The following MAD1L1 variants were observed in gnomAD, a reference collection of about 807,000 sequenced individuals.
MAD1L1 encodes the protein mitotic arrest deficient 1 like 1.
MAD1L1 carries 95 observed loss-of-function variants against 96.9 expected under a neutral mutation model. That is an observed-to-expected ratio of 0.98 (90% confidence interval 0.83 to 1.16). MAD1L1 has a LOEUF of 1.16. Among genes scored for constraint, MAD1L1 ranks in the 50% most tolerant of loss-of-function variants. The probability of loss-of-function intolerance (pLI) is 0.00; values close to 1 mark genes in which losing one functional copy is unlikely to be tolerated. For missense variants in MAD1L1, 1,007 were observed against 954.4 expected (o/e 1.06, Z -0.73); for synonymous variants, 473 against 396.6 (o/e 1.19, Z -2.29).
At chr7:1,853,172 G>T (rs1000761247) in intron 18 of MAD1L1, among the ~76,000 whole-genome samples, 5 of 152,198 alleles carry the variant, frequency 3.3e-5, no homozygotes, top group African/African-American at 4.8e-5. Flanking sequence ...TGATGCGGAA[G>T]GGACTGCGGA....
At chr7:1,847,360 G>A in intron 18 of MAD1L1, 1 of 471,096 alleles carries the variant, frequency 2.1e-6, no homozygotes, top group Non-Finnish European at 4.4e-6. Context: ...GGTACCACGG[G>A]GCGGACCAGG....
chr7:2,207,113 T>C (rs1462113982), intron 10 of MAD1L1, among the ~76,000 whole-genome samples: 2 of 151,616 alleles, frequency 1.3e-5, no homozygotes, highest in Admixed American at 1.3e-4. Context: ...TAGAGATCAG[T>C]TCATCAATTT....
intron 10 of MAD1L1, chr7:2,200,334 C>G (rs949901863): frequency 6.6e-6 from 1 of 152,528 alleles, no homozygotes; most frequent in African/African-American, 2.4e-5. Flanking sequence ...ATGGCAACAG[C>G]CGGATCTTGT....
intron 17 of MAD1L1, among the ~76,000 whole-genome samples, chr7:1,914,619 G>A (rs967947892): frequency 6.6e-6 from 1 of 152,114 alleles, no homozygotes; most frequent in Non-Finnish European, 1.5e-5. Flanking sequence ...TTGAGTTTTT[G>A]GTTTGTTTTT....
intron 12 of MAD1L1, among the ~76,000 whole-genome samples, chr7:2,027,929 T>C (rs552732544): frequency 6.6e-6 from 1 of 152,308 alleles, no homozygotes; most frequent in Non-Finnish European, 1.5e-5. Context: ...ATCACTCAAT[T>C]ATGAACATAG....
intron 10 of MAD1L1, among the ~76,000 whole-genome samples, chr7:2,154,532 T>C (rs150578254): frequency 1.4e-4 from 22 of 152,312 alleles, no homozygotes; most frequent in African/African-American, 5.3e-4. Flanking sequence ...AAAGTGATGG[T>C]TACCCCAAAT....
At chr7:1,831,741 T>G (rs545487063) in intron 18 of MAD1L1, among the ~76,000 whole-genome samples, 1 of 152,292 alleles carries the variant, frequency 6.6e-6, no homozygotes, top group South Asian at 2.1e-4. Flanking sequence ...TTGGGGCCCT[T>G]AAGAATGATG....
intron 17 of MAD1L1, among the ~76,000 whole-genome samples, chr7:1,922,307 C>T (rs1044985515): frequency 2.6e-5 from 4 of 152,270 alleles, no homozygotes; most frequent in African/African-American, 4.8e-5. Context: ...TCCCACGCCT[C>T]GCCTCAGCAG....
intron 11 of MAD1L1, among the ~76,000 whole-genome samples, chr7:2,097,924 G>A (rs983642732): frequency 6.6e-6 from 1 of 152,246 alleles, no homozygotes; most frequent in Admixed American, 6.5e-5. Context: ...CCCTGCTGTA[G>A]GCTTCTGCAC....
chr7:1,993,353 G>A (rs562297907), intron 14 of MAD1L1, among the ~76,000 whole-genome samples: 8 of 152,334 alleles, frequency 5.3e-5, no homozygotes, highest in African/African-American at 1.4e-4. Context: ...ATGTCAGTCC[G>A]CAGACCAAGG....
At chr7:1,994,816 AG>A (rs1355169496) in intron 14 of MAD1L1, among the ~76,000 whole-genome samples, 1 of 152,196 alleles carries the variant, frequency 6.6e-6, no homozygotes, top group Non-Finnish European at 1.5e-5. Flanking sequence ...CAGAACCGTG[AG>A]CAACAAATGT....
intron 11 of MAD1L1, among the ~76,000 whole-genome samples, chr7:2,126,117 G>T (rs192956836): frequency 7.3e-4 from 111 of 152,318 alleles, no homozygotes; most frequent in African/African-American, 2.5e-3. Context: ...CCTGCCAGGC[G>T]GCCCTCCTGT....
At position 1,968,295 on chromosome 7, in the gene MAD1L1, G is replaced by A. The variant is rs183122067; in HGVS notation, c.1506-10576C>T. On this transcript the variant is annotated intron_variant, in intron 15 of 18. Transcript: ENST00000265854. The surrounding 1 kb of genome is among the most constrained non-coding windows in gnomAD (Gnocchi z 5.6). ...GTCCACATCAACGCCTCAGTCCAGC[G>A]GTCAGGTCCACTGTCAACGCCTCAG... is the stretch of plus-strand genomic sequence containing the variant. Among the ~76,000 whole-genome samples the A allele has an allele frequency of 8.9e-4, 133 of 150,174 alleles. No individual in the cohort carries two copies. Among genetic ancestry groups the A allele is most frequent in the African/African-American group, 3.1e-3 (126 of 40,598 alleles).
At chr7:2,192,014 G>A (rs1171756324) in intron 10 of MAD1L1, among the ~76,000 whole-genome samples, 1 of 151,532 alleles carries the variant, frequency 6.6e-6, no homozygotes, top group Non-Finnish European at 1.5e-5. Flanking sequence ...CTGGGTGACA[G>A]AGCGAGCCTC....
chr7:2,026,054 A>C (rs530605554), intron 12 of MAD1L1, among the ~76,000 whole-genome samples: 50 of 152,194 alleles, frequency 3.3e-4, no homozygotes, highest in Non-Finnish European at 6.0e-4. Context: ...CGCTGAATAT[A>C]AATACTTATA....
chr7:1,853,176 C>G (rs769513533), intron 18 of MAD1L1, among the ~76,000 whole-genome samples: 6 of 152,206 alleles, frequency 3.9e-5, no homozygotes, highest in Non-Finnish European at 7.3e-5. Context: ...GCGGAAGGGA[C>G]TGCGGATGTC....
At chr7:2,135,561 G>A (rs535531804) in intron 11 of MAD1L1, among the ~76,000 whole-genome samples, 11 of 152,210 alleles carry the variant, frequency 7.2e-5, no homozygotes, top group East Asian at 1.9e-4. Context: ...CTTTGTTTTC[G>A]GTAATTGTTT....
intron 11 of MAD1L1, among the ~76,000 whole-genome samples, chr7:2,087,477 T>C (rs1490037294): frequency 6.6e-6 from 1 of 151,482 alleles, no homozygotes; most frequent in African/African-American, 2.4e-5. Context: ...GAAATGGAGG[T>C]TGCAGTGAGC....
intron 18 of MAD1L1, among the ~76,000 whole-genome samples, chr7:1,828,257 G>A (rs1263164180): frequency 1.5e-4 from 23 of 152,292 alleles, no homozygotes; most frequent in Admixed American, 1.3e-3. Context: ...GAAGGGTGGC[G>A]GGCCCTGAGA....
Sources: gnomAD v4.1 joint callset for allele counts (sites outside exome capture counted in the v4.1 genomes callset) on GRCh38, gnomAD v4.1.1 for gene constraint, Gnocchi (gnomAD v3.1) non-coding constraint, MANE v1.5 for transcripts, NCBI Gene and HGNC (gene_info 2026-07-23, HGNC 2026-07-21) for gene names.